TDRD7: variants seen among roughly 807,000 people sequenced by gnomAD.
The protein encoded by TDRD7 is tudor domain-containing protein 7.
TDRD7 carries 47 observed loss-of-function variants against 109.8 expected under a neutral mutation model. That is an observed-to-expected ratio of 0.43 (90% CI 0.34 to 0.55). The LOEUF is 0.55. Among genes scored for constraint, TDRD7 ranks in the 20% least tolerant of loss-of-function variants. The pLI is 0.03. For missense variants in TDRD7, 1,164 were observed against 1,319.2 expected, an observed-to-expected ratio of 0.88 and a Z score of 1.82; for synonymous variants, 424 against 457.3, an observed-to-expected ratio of 0.93 and a Z score of 0.93.
intron 12 of TDRD7, among the ~76,000 whole-genome samples, chr9:97,477,695 GTATT>G (rs1829046174): frequency 1.3e-5 from 2 of 151,916 alleles, no homozygotes; most frequent in Non-Finnish European, 2.9e-5. Flanking sequence ...GTTTAATCAT[GTATT>G]TATTCTTGAT....
At position 97,483,029 on chromosome 9, in the gene TDRD7, G is replaced by T. The variant is rs752940105; in HGVS notation, c.2593G>T (p.Gly865Cys). 5 of 1,614,044 alleles carry T rather than the reference G, an allele frequency of 3.1e-6. No individual in the cohort carries two copies. The East Asian group carries it at 1.1e-4, about 36-fold the overall frequency. ...AGCTGACTCTCCCAACAGCAAAAAT[G>T]GCAACATGCCCATGTCGGGCAACAC... is the stretch of plus-strand genomic sequence containing the variant. ...SGADSPNSKN[G>C]NMPMSGNTGE... Residue 865 changes from glycine to cysteine, a missense_variant, in exon 15 of 17, where the codon GGC (glycine) becomes TGC (cysteine). By Grantham distance (159) the Gly-to-Cys change is radical. Around this residue, in one of 5 missense-constraint regions of TDRD7, gnomAD observed 233 missense variants for 218.0 expected, o/e 1.07. Transcript: ENST00000355295.
intron 4 of TDRD7, among the ~76,000 whole-genome samples, chr9:97,437,250 C>T (rs916130469): frequency 1.8e-4 from 27 of 152,186 alleles, no homozygotes; most frequent in African/African-American, 5.8e-4. Flanking sequence ...GTCAAGGTGT[C>T]AGCCATGGCT....
At chr9:97,462,856 C>T (rs1828750006) in intron 7 of TDRD7, among the ~76,000 whole-genome samples, 1 of 152,194 alleles carries the variant, frequency 6.6e-6, no homozygotes, top group Non-Finnish European at 1.5e-5. Context: ...GAGAAGCTGC[C>T]TGCAGATCCC....
rs947397172 is a variant in TDRD7, at chr9:97,460,852, A to G, written c.1442+88A>G. ...CATGGATGTTGAGGGTTAAAGGAAG[A>G]ATAATATGGCCGGGTGCGGTGGCTC... On this transcript the variant is annotated intron_variant, in intron 7 of 16. Transcript: ENST00000355295. The G allele has an allele frequency of 8.5e-6, 11 of 1,288,818 alleles. No individual in the cohort carries two copies. In the Admixed American group the frequency reaches 2.0e-4, roughly 24 times the overall value. The allele number at this position is 1,288,818 out of a possible 1,614,324, so 79.8% of individuals were successfully genotyped here.
At position 97,424,109 on chromosome 9, in the gene TDRD7, A is replaced by G. The variant is rs1477583644; in HGVS notation, c.-6-4351A>G. On this transcript the variant is annotated intron_variant, in intron 1 of 16. Coordinates refer to ENST00000355295, the MANE Select transcript of TDRD7 (RefSeq NM_014290.3). The stretch of plus-strand genomic sequence containing the variant: ...CACTCTGTTGTTTAGGCTGGAGTTC[A>G]GTGGCATGATTTTGGCTCACTGCAA... Among the ~76,000 whole-genome samples, 3 of 121,350 alleles carry G rather than the reference A, an allele frequency of 2.5e-5. 1 individual carries two copies. The highest frequency in any genetic ancestry group is 2.3e-4 in the Admixed American group (2 of 8,794). 79.6% of individuals were successfully genotyped at this position (121,350 alleles called of 152,430 possible). A position where few individuals can be genotyped will look rare whatever the true frequency, so the allele number is the denominator to read the frequency against.
At chr9:97,465,078 AT>A (rs1828800058) in intron 8 of TDRD7, 50 bp downstream of exon 8, 1 of 1,559,796 alleles carries the variant, frequency 6.4e-7, no homozygotes, top group African/African-American at 1.4e-5. Context: ...ATACCTTATT[AT>A]TTTCCAAATG....
intron 1 of TDRD7, among the ~76,000 whole-genome samples, chr9:97,422,256 A>G (rs1159816659): frequency 6.6e-6 from 1 of 152,120 alleles, no homozygotes; most frequent in African/African-American, 2.4e-5. Context: ...TTAGCCAGGC[A>G]TGGTGGCACA....
chr9:97,480,147 G>A (rs1274412379), intron 13 of TDRD7, among the ~76,000 whole-genome samples: 4 of 152,290 alleles, frequency 2.6e-5, no homozygotes, highest in Admixed American at 1.3e-4. Flanking sequence ...AATTGTTTCC[G>A]TTGATTCGAG....
rs1262658593 is a variant in TDRD7 at position 97,444,280 on chromosome 9, T to C, written c.855+2405T>C. The stretch of plus-strand genomic sequence containing the variant: ...TGTGTCTGTTACCTTTGTTCAGATA[T>C]AATCAGTACCAAGTATTAGGTTATA... On this transcript the variant is annotated intron_variant, in intron 6 of 16. Coordinates refer to ENST00000355295, the MANE Select transcript of TDRD7 (RefSeq NM_014290.3). Among the ~76,000 whole-genome samples the C allele has an allele frequency of 2.0e-5, 3 of 152,210 alleles. No homozygotes were observed. In the East Asian group the frequency reaches 5.8e-4, roughly 29 times the overall value.
intron 4 of TDRD7, among the ~76,000 whole-genome samples, chr9:97,435,181 A>G (rs1201096360): frequency 1.3e-5 from 2 of 152,116 alleles, no homozygotes; most frequent in African/African-American, 4.8e-5. Context: ...AAATCTGAAT[A>G]AGCTCTGAAT....
chr9:97,430,181 C>T (rs1828076090), intron 2 of TDRD7, among the ~76,000 whole-genome samples: 2 of 152,114 alleles, frequency 1.3e-5, no homozygotes, highest in African/African-American at 4.8e-5. Flanking sequence ...ATCTTCAAAT[C>T]TTTTTTCGAT....
At chr9:97,468,729 A>T (rs1828862518) in intron 8 of TDRD7, among the ~76,000 whole-genome samples, 1 of 152,200 alleles carries the variant, frequency 6.6e-6, no homozygotes, top group East Asian at 1.9e-4. Context: ...CCAGGCCCAC[A>T]TCCCAGGGGA....
intron 6 of TDRD7, among the ~76,000 whole-genome samples, chr9:97,457,058 A>G (rs1828627894): frequency 6.6e-6 from 1 of 152,220 alleles, no homozygotes; most frequent in Non-Finnish European, 1.5e-5. Context: ...GCCAACAAAC[A>G]TGAAAAAAAG....
chr9:97,432,342 C>A, intron 4 of TDRD7, 104 bp downstream of exon 4: 1 of 1,031,892 alleles, frequency 9.7e-7, no homozygotes, highest in Non-Finnish European at 1.5e-6. Context: ...TATCTAAGTT[C>A]ACATATAGTA....
chr9:97,493,134 C>G (rs889186215), intron 16 of TDRD7, among the ~76,000 whole-genome samples: 1 of 152,158 alleles, frequency 6.6e-6, no homozygotes, highest in Admixed American at 6.5e-5. Flanking sequence ...GGGATTACCC[C>G]TTACTCGCTC....
chr9:97,461,140 CAAAA>C (rs753213087), intron 7 of TDRD7, among the ~76,000 whole-genome samples: 2 of 89,022 alleles, frequency 2.2e-5, no homozygotes. Flanking sequence ...GACTCCATCT[CAAAA>C]AAAAAAAAAA....
chr9:97,464,195 C>T (rs758552392), intron 7 of TDRD7, among the ~76,000 whole-genome samples: 2 of 152,238 alleles, frequency 1.3e-5, no homozygotes, highest in African/African-American at 2.4e-5. Context: ...CCTCCTCTCT[C>T]CCCTTCCTGA....
In TDRD7 at chr9:97,439,334, A is replaced by C; in HGVS notation, c.637+16A>C. ...GAAATGAGTGGTATGTTTTCCAAAC[A>C]TTTTTGAGATACATATTGGCTTCCG... On this transcript the variant is annotated intron_variant, in intron 5 of 16. Coordinates refer to ENST00000355295, the MANE Select transcript of TDRD7 (RefSeq NM_014290.3). 6.3e-7 allele frequency: 1 copy of C among 1,596,228 alleles called. No homozygotes were observed. Among genetic ancestry groups the C allele is most frequent in the Non-Finnish European group, 8.5e-7 (1 of 1,173,794 alleles).
chr9:97,428,709 C>T (rs753624696), intron 2 of TDRD7, 37 bp downstream of exon 2: 3 of 1,590,166 alleles, frequency 1.9e-6, no homozygotes, highest in African/African-American at 1.3e-5. Flanking sequence ...AGAATCAAAC[C>T]AATTCATAAT....
Sources: gnomAD v4.1 joint callset for allele counts (sites outside exome capture counted in the v4.1 genomes callset) on GRCh38, gnomAD v4.1.1 for gene constraint, gnomAD v4.1.1 regional missense constraint, MANE v1.5 for transcripts, NCBI Gene and HGNC (gene_info 2026-07-23, HGNC 2026-07-21) for gene names.